Variants in TBX15 observed in about 807,000 individuals in gnomAD.
TBX15 encodes T-box transcription factor 15, also known as T-box transcription factor TBX15.
Under a neutral mutation model 53.9 loss-of-function variants are expected in TBX15, and 18 were observed. The observed-to-expected ratio is 0.33, with a 90% CI of 0.23 to 0.49. TBX15 has a LOEUF of 0.49. TBX15 is among the 20% of genes least tolerant of loss of function. The pLI is 0.98. For synonymous variants in TBX15, 295 were observed against 278.0 expected, an observed-to-expected ratio of 1.06 and a Z score of -0.61; for missense variants, 692 against 749.5, an observed-to-expected ratio of 0.92 and a Z score of 0.90.
intron 1 of TBX15, among the ~76,000 whole-genome samples, chr1:118,972,841 C>G (rs1180584799): frequency 6.6e-6 from 1 of 152,148 alleles, no homozygotes; most frequent in Non-Finnish European, 1.5e-5. Context: ...TTCAGATGAT[C>G]CACCTGCCTC....
chr1:118,885,025 AGGAGCTCTGCTGCATGT>A lies in TBX15; in HGVS notation c.1499_1515del (p.His500LeufsTer22). ...GGGTTGTGAAGGGAGAAGGCATTGTAGGAGCTCTGCTGCATGTGGCTGCCCCCGAACATGTGTGGTGA... is the reference window on the plus strand; with the variant it reads ...GGGTTGTGAAGGGAGAAGGCATTGTAGGCTGCCCCCGAACATGTGTGGTGA... On this transcript the variant is annotated frameshift_variant, in exon 8 of 8. Transcript: ENST00000369429. LOFTEE classifies it high-confidence loss of function. 6.2e-7 allele frequency: 1 copy of A among 1,614,122 alleles called. No individual in the cohort carries two copies.
intron 6 of TBX15, among the ~76,000 whole-genome samples, chr1:118,909,903 A>T (rs1338507307): frequency 2.0e-5 from 3 of 152,160 alleles, no homozygotes; most frequent in African/African-American, 7.2e-5. Flanking sequence ...ACATCAACAT[A>T]TGAAAAATGG....
intron 3 of TBX15, 123 bp downstream of exon 3, chr1:118,926,387 A>G (rs1655595672): frequency 1.1e-6 from 1 of 888,016 alleles, no homozygotes; most frequent in Non-Finnish European, 1.8e-6. Flanking sequence ...GGCCATTGAC[A>G]TAGTCTCCAT....
rs575937623 is a variant in TBX15, at chr1:118,937,039, G to A, written c.206-5207C>T. Among the ~76,000 whole-genome samples the A allele has an allele frequency of 2.6e-5, 4 of 152,294 alleles. No homozygotes were observed. In the South Asian group the frequency reaches 6.2e-4, roughly 24 times the overall value. The stretch of plus-strand genomic sequence containing the variant: ...GCCTGCAGAGGTGGGGAAAATTGTT[G>A]AGGAGCTTTGAAGTGGAAGCAAGTC... On this transcript the variant is annotated intron_variant, in intron 1 of 7. Coordinates refer to ENST00000369429, the MANE Select transcript of TBX15 (RefSeq NM_001330677.2).
chr1:118,890,007 A>G (rs761948678), intron 7 of TBX15, among the ~76,000 whole-genome samples: 29 of 152,284 alleles, frequency 1.9e-4, no homozygotes, highest in Middle Eastern at 3.4e-3. Context: ...TTGGGTTCTA[A>G]TGAGAATGGC....
At chr1:118,916,427 T>C (rs969726099) in intron 5 of TBX15, among the ~76,000 whole-genome samples, 5 of 152,072 alleles carry the variant, frequency 3.3e-5, no homozygotes, top group African/African-American at 1.2e-4. Context: ...TAACACAGGA[T>C]ATGAACAGAC....
At chr1:118,923,272 C>T (rs889950751) in intron 5 of TBX15, among the ~76,000 whole-genome samples, 164 bp downstream of exon 5, 6 of 152,118 alleles carry the variant, frequency 3.9e-5, no homozygotes, top group Admixed American at 6.6e-5. Context: ...GTTGAAAACA[C>T]TTTACAGCTG....
At chr1:118,893,617 G>A (rs202069610) in intron 7 of TBX15, among the ~76,000 whole-genome samples, 3,433 of 106,060 alleles carry the variant, frequency 0.032, 455 homozygotes, top group African/African-American at 0.13. Flanking sequence ...GAAAGAAAGA[G>A]AGAGAGAAAG....
intron 5 of TBX15, among the ~76,000 whole-genome samples, chr1:118,917,735 G>A (rs572614100): frequency 2.0e-5 from 3 of 151,972 alleles, no homozygotes; most frequent in South Asian, 2.1e-4. Context: ...TTCCATTCTC[G>A]TCCCTGTACA....
At chr1:118,907,654 C>T (rs1298661155) in intron 6 of TBX15, among the ~76,000 whole-genome samples, 1 of 152,210 alleles carries the variant, frequency 6.6e-6, no homozygotes, top group Non-Finnish European at 1.5e-5. Flanking sequence ...GCACATGCAC[C>T]TCCCATAGGT....
chr1:118,953,054 TCCATGTTG>T (rs1656567890), intron 1 of TBX15, among the ~76,000 whole-genome samples: 1 of 150,362 alleles, frequency 6.7e-6, no homozygotes, highest in South Asian at 2.1e-4. Context: ...CTGACATTTT[TCCATGTTG>T]CCAAGGAATA....
intron 4 of TBX15, 121 bp from the exon 5 acceptor site, chr1:118,923,724 T>A: frequency 8.5e-7 from 1 of 1,170,684 alleles, no homozygotes; most frequent in Non-Finnish European, 1.3e-6. Flanking sequence ...AGGTGAGATG[T>A]ACAGAAAACT....
intron 6 of TBX15, among the ~76,000 whole-genome samples, chr1:118,901,582 A>C (rs1271324790): frequency 6.6e-6 from 1 of 152,202 alleles, no homozygotes; most frequent in Non-Finnish European, 1.5e-5. Context: ...TTTACTCATG[A>C]ATTCAAATCT....
At chr1:118,921,142 G>A (rs1482187224) in intron 5 of TBX15, among the ~76,000 whole-genome samples, 1 of 152,006 alleles carries the variant, frequency 6.6e-6, no homozygotes, top group East Asian at 1.9e-4. Flanking sequence ...TCACACCACT[G>A]AACTCCAGCC....
At chr1:118,893,574 GA>G (rs1158699875) in intron 7 of TBX15, among the ~76,000 whole-genome samples, 1 of 120,694 alleles carries the variant, frequency 8.3e-6, no homozygotes, top group African/African-American at 4.8e-5. Context: ...AGGAAGGAAG[GA>G]AAGAAAGAAA....
upstream of TBX15, among the ~76,000 whole-genome samples, chr1:118,988,610 A>G (rs143457986): frequency 1.3e-4 from 20 of 152,136 alleles, no homozygotes; most frequent in East Asian, 3.3e-3. Flanking sequence ...CAAATCCCAA[A>G]TCCATACGTT....
Position 118,973,651 on chromosome 1 carries a change from T to G in TBX15, c.205+13940A>C, listed in dbSNP as rs781015149. On this transcript the variant is annotated intron_variant, in intron 1 of 7. Coordinates refer to ENST00000369429, the MANE Select transcript of TBX15 (RefSeq NM_001330677.2). The stretch of plus-strand genomic sequence containing the variant: ...CTGGCAAAGAAAAAGAAGAATGTAG[T>G]CAAGCCCCAAAGAAAAAAATGTTAA... 2.0e-4 allele frequency among the ~76,000 whole-genome samples: 31 copies of G among 152,006 alleles called. 1 individual carries two copies. The highest frequency in any genetic ancestry group is 7.2e-4 in the African/African-American group (30 of 41,432).
chr1:118,902,890 A>G (rs1654681011), intron 6 of TBX15, among the ~76,000 whole-genome samples: 1 of 152,168 alleles, frequency 6.6e-6, no homozygotes, highest in African/African-American at 2.4e-5. Context: ...CTAGTTTTGT[A>G]AAATTTTATC....
intron 7 of TBX15, chr1:118,890,983 G>T: frequency 7.7e-7 from 1 of 1,294,834 alleles, no homozygotes; most frequent in Non-Finnish European, 1.0e-6. Context: ...ACAGGTAAAA[G>T]GTAAAATATC....
Sources: gnomAD v4.1 joint callset for allele counts (sites outside exome capture counted in the v4.1 genomes callset) on GRCh38, gnomAD v4.1.1 for gene constraint, MANE v1.5 for transcripts, NCBI Gene and HGNC (gene_info 2026-07-23, HGNC 2026-07-21) for gene names.